The following MYCBP2 variants were observed in gnomAD, a reference collection of about 807,000 sequenced individuals.
MYCBP2 encodes the protein E3 ubiquitin-protein ligase MYCBP2.
In MYCBP2, 120 loss-of-function variants were observed where a neutral mutation model predicts 525.3. That is an observed-to-expected ratio of 0.23 (90% CI 0.20 to 0.27). The LOEUF is 0.27. Ranked by LOEUF, MYCBP2 falls within the 10% of genes least tolerant of loss-of-function variation. MYCBP2 has a pLI of 1.00. For synonymous variants in MYCBP2, 1,894 were observed against 1,955.8 expected (o/e 0.97, Z 0.83); for missense variants, 4,149 against 5,657.1 (o/e 0.73, Z 8.55).
chr13:77,270,306 C>T lies in MYCBP2; in HGVS notation c.1178G>A (p.Gly393Glu). The T allele has an allele frequency of 6.2e-7, 1 of 1,610,744 alleles. No homozygotes were observed. The highest frequency in any genetic ancestry group is 2.2e-5 in the East Asian group (1 of 44,744). ...AAGGAATCACATTACCCTAACTGTTCCACTGTATCCAGAGCCTATTTTATA... is the reference window on the plus strand; with the variant it reads ...AAGGAATCACATTACCCTAACTGTTTCACTGTATCCAGAGCCTATTTTATA... The part of the protein sequence containing the change: ...GLYKIGSGYS[G>E]TVRGHIYNST... Residue 393 changes from glycine (G) to glutamate (E), a missense_variant, in exon 6 of 83, where the codon GGA (glycine) becomes GAA (glutamate). Physicochemically the swap from Gly to Glu is moderately conservative, Grantham distance 98. This residue lies in a region of MYCBP2 where 262 missense variants were observed against 419.3 expected (regional missense o/e 0.62). Coordinates refer to ENST00000544440, the MANE Select transcript of MYCBP2 (RefSeq NM_015057.5).
chr13:77,211,948 G>T lies in MYCBP2; in HGVS notation c.3262+8C>A. The T allele has an allele frequency of 6.2e-7, 1 of 1,601,386 alleles. No homozygotes were observed. The highest frequency in any genetic ancestry group is 8.6e-7 in the Non-Finnish European group (1 of 1,168,764). ...TTGGAAGGGGCATTTGTTTATTTCTGGTATTACCTATTATGTGTTTACTGG... is the reference window on the plus strand; with the variant it reads ...TTGGAAGGGGCATTTGTTTATTTCTTGTATTACCTATTATGTGTTTACTGG... On this transcript the variant is annotated splice_region_variant and intron_variant, in intron 22 of 82. Transcript: ENST00000544440.
chr13:77,056,094 T>C (rs542882792), intron 79 of MYCBP2, among the ~76,000 whole-genome samples: 111 of 138,830 alleles, frequency 8.0e-4, no homozygotes, highest in African/African-American at 2.9e-3. Flanking sequence ...ACACGCTCTG[T>C]GTTTGGTGTG....
At chr13:77,296,772 C>A in intron 1 of MYCBP2, 98 bp from the exon 2 acceptor site, 2 of 947,286 alleles carry the variant, frequency 2.1e-6, no homozygotes, top group Non-Finnish European at 1.5e-6. Flanking sequence ...ACATTTGGAT[C>A]TTTTTCTTGC....
chr13:77,181,600 GGT>G, intron 33 of MYCBP2, 99 bp downstream of exon 33: 2 of 750,012 alleles, frequency 2.7e-6, no homozygotes, highest in Non-Finnish European at 4.3e-6. Flanking sequence ...CGCTTAGCTT[GGT>G]GTGTTTATAG....
chr13:77,148,779 T>C (rs528571384), intron 47 of MYCBP2, among the ~76,000 whole-genome samples: 34 of 152,258 alleles, frequency 2.2e-4, no homozygotes, highest in African/African-American at 7.5e-4. Context: ...AATTTCATTT[T>C]ATCCGCTTTG....
At position 77,139,262 on chromosome 13, in the gene MYCBP2, A is replaced by T. The variant is rs1319319396; in HGVS notation, c.7593T>A (p.Gly2531=). The part of the protein sequence containing the change: ...TIKKYVPNMN[G]YTEAWCLSFN... ...AAGAGAGGCACCAGGCTTCAGTGTAACCATTCATGTTAGGGACATACTTCT... is the reference window on the plus strand; with the variant it reads ...AAGAGAGGCACCAGGCTTCAGTGTATCCATTCATGTTAGGGACATACTTCT... The change falls in exon 52 of 83, where the codon GGT becomes GGA. Residue 2531 remains glycine (G), a synonymous_variant. Transcript: ENST00000544440. The T allele has an allele frequency of 6.2e-7, 1 of 1,613,920 alleles. No homozygotes were observed. Among genetic ancestry groups the T allele is most frequent in the Admixed American group, 1.7e-5 (1 of 60,008 alleles).
Position 77,273,617 on chromosome 13 carries a change from T to C in MYCBP2, c.800A>G (p.Asn267Ser). The C allele has an allele frequency of 6.3e-7, 1 of 1,591,670 alleles. No homozygotes were observed. The highest frequency in any genetic ancestry group is 1.4e-5 in the African/African-American group (1 of 73,890). The change falls in exon 5 of 83, where the codon AAT becomes AGT. Residue 267 changes from asparagine (N) to serine (S), a missense_variant. Physicochemically the swap from Asn to Ser is conservative, Grantham distance 46 (BLOSUM62 1). Coordinates refer to ENST00000544440, the MANE Select transcript of MYCBP2 (RefSeq NM_015057.5). Reference protein sequence around the residue: ...LEITVRSTGMNDSTGQSLTAL... With the variant: ...LEITVRSTGMSDSTGQSLTAL... ...TGTTAAGGACTGTCCTGTGCTGTCATTCATCCCAGTACTTCGAACGGTGAT... is the reference window on the plus strand; with the variant it reads ...TGTTAAGGACTGTCCTGTGCTGTCACTCATCCCAGTACTTCGAACGGTGAT...
chr13:77,180,264 G>A lies in MYCBP2; in HGVS notation c.4996C>T (p.Leu1666=), dbSNP rs756297131. 1.9e-6 allele frequency: 3 copies of A among 1,614,134 alleles called. No homozygotes were observed. Among genetic ancestry groups the A allele is most frequent in the South Asian group, 1.1e-5 (1 of 91,074 alleles). ...TSFREVLEKM[L]VIVVLPVRNS... ...CTGACTGGTAGCACAACAATGACCA[G>A]CATTTTCTCCAGAACTTCACGGAAG... The change falls in exon 34 of 83, where the codon CTG becomes TTG. Residue 1666 remains leucine, a synonymous_variant. Transcript: ENST00000544440.
intron 17 of MYCBP2, among the ~76,000 whole-genome samples, chr13:77,235,423 A>G (rs1447313631): frequency 6.6e-6 from 1 of 152,138 alleles, no homozygotes; most frequent in African/African-American, 2.4e-5. Context: ...GATATTAAAC[A>G]ATATTGTATA....
chr13:77,065,888 TAA>T, intron 72 of MYCBP2, 102 bp downstream of exon 72: 1 of 683,840 alleles, frequency 1.5e-6, no homozygotes, highest in Non-Finnish European at 2.4e-6. Context: ...AGTCTTTAAG[TAA>T]AGTTACACTA....
rs146476533 is a variant in MYCBP2 at position 77,166,966 on chromosome 13, AACACACAC to A, written c.6115-420_6115-413del. On this transcript the variant is annotated intron_variant, in intron 40 of 82. Coordinates refer to ENST00000544440, the MANE Select transcript of MYCBP2 (RefSeq NM_015057.5). The stretch of plus-strand genomic sequence containing the variant: ...TAGATGGGATATACTTCAAAGACAA[AACACACAC>A]ATACACACACACACACACACACACA... Among the ~76,000 whole-genome samples, 357 of 123,964 alleles carry A rather than the reference AACACACAC, an allele frequency of 2.9e-3. 1 individual carries two copies. The highest frequency in any genetic ancestry group is 0.011 in the African/African-American group (337 of 31,278). 81.3% of individuals were successfully genotyped at this position (123,964 alleles called of 152,430 possible).
intron 17 of MYCBP2, 92 bp downstream of exon 17, chr13:77,242,967 C>A: frequency 9.9e-7 from 1 of 1,015,208 alleles, no homozygotes; most frequent in Non-Finnish European, 1.5e-6. Flanking sequence ...GATTTCTTAC[C>A]AAATTAGTTT....
In MYCBP2 at chr13:77,055,621, A is replaced by G; in HGVS notation, c.13584T>C (p.Tyr4528=). 1 of 1,614,138 alleles carries G rather than the reference A, an allele frequency of 6.2e-7. No homozygotes were observed. Among genetic ancestry groups the G allele is most frequent in the Non-Finnish European group, 8.5e-7 (1 of 1,180,012 alleles). ...TCATTGCATAGCCAGCTGGGTCATT[A>G]TAAAACCTCACACCAGGAGTTGTGA... ...EAITTPGVRF[Y]NDPAGYAMNR... Residue 4528 remains tyrosine (Y), a synonymous_variant, in exon 80 of 83, where the codon TAT becomes TAC. Coordinates refer to ENST00000544440, the MANE Select transcript of MYCBP2 (RefSeq NM_015057.5).
chr13:77,238,010 A>C (rs9574020), intron 17 of MYCBP2, among the ~76,000 whole-genome samples: 4,900 of 152,068 alleles, frequency 0.032, 216 homozygotes, highest in East Asian at 0.17. Context: ...TTGGGAGGCC[A>C]AGGCAGGCGG....
chr13:77,180,548 G>A (rs781320873), intron 33 of MYCBP2, among the ~76,000 whole-genome samples: 1 of 152,090 alleles, frequency 6.6e-6, no homozygotes, highest in Non-Finnish European at 1.5e-5. Flanking sequence ...GTTTTTATTA[G>A]CTTTGAGTCC....
At position 77,278,765 on chromosome 13, in the gene MYCBP2, C is replaced by T. The variant is rs776018680; in HGVS notation, c.741G>A (p.Glu247=). The T allele has an allele frequency of 1.3e-6, 2 of 1,545,204 alleles. No individual in the cohort carries two copies. Among genetic ancestry groups the T allele is most frequent in the Admixed American group, 2.2e-5 (1 of 46,118 alleles). The change falls in exon 4 of 83, where the codon GAG becomes GAA. Residue 247 remains glutamate, a synonymous_variant. Transcript: ENST00000544440. ...ATGAGCCTTGGCTCTTACCTAGGACCTCAGGTGGCTCAGACTGGAGGCCTT... is the reference window on the plus strand; with the variant it reads ...ATGAGCCTTGGCTCTTACCTAGGACTTCAGGTGGCTCAGACTGGAGGCCTT... ...QPEGLQSEPP[E]VLESLFQLLL...
At chr13:77,234,409 C>G (rs993944552) in intron 17 of MYCBP2, among the ~76,000 whole-genome samples, 1 of 151,684 alleles carries the variant, frequency 6.6e-6, no homozygotes, top group African/African-American at 2.4e-5. Context: ...AGCCTACTGC[C>G]CTCTAATAAA....
chr13:77,179,082 C>T (rs1038456850), intron 34 of MYCBP2, among the ~76,000 whole-genome samples: 10 of 152,014 alleles, frequency 6.6e-5, no homozygotes, highest in South Asian at 2.1e-4. Context: ...CATATGTATG[C>T]GAATTTCTTA....
intron 32 of MYCBP2, among the ~76,000 whole-genome samples, chr13:77,182,329 C>T (rs1333097427): frequency 1.3e-5 from 2 of 152,120 alleles, no homozygotes; most frequent in African/African-American, 4.8e-5. Flanking sequence ...AATTATAAAT[C>T]TGTGCTATTA....
Sources: gnomAD v4.1 joint callset for allele counts (sites outside exome capture counted in the v4.1 genomes callset) on GRCh38, gnomAD v4.1.1 for gene constraint, gnomAD v4.1.1 regional missense constraint, MANE v1.5 for transcripts, NCBI Gene and HGNC (gene_info 2026-07-23, HGNC 2026-07-21) for gene names.